NCOA6: variants seen among roughly 807,000 people sequenced by gnomAD.
NCOA6 encodes the protein NRC RAP250.
In NCOA6, 49 loss-of-function variants were observed where a neutral mutation model predicts 171.4. The ratio of observed to expected loss-of-function variants is 0.29; its 90% CI spans 0.23 to 0.36. The LOEUF (loss-of-function observed/expected upper bound fraction) is 0.36. Ranked by LOEUF, NCOA6 falls within the 10% of genes least tolerant of loss-of-function variation. The pLI, the probability that NCOA6 is intolerant of heterozygous loss-of-function variation, is 1.00. For missense variants in NCOA6, 2,248 were observed against 2,554.5 expected (o/e 0.88, Z 2.59); for synonymous variants, 910 against 927.5 (o/e 0.98, Z 0.34).
At chr20:34,720,823 T>C (rs1960613390) in intron 14 of NCOA6, among the ~76,000 whole-genome samples, 1 of 152,222 alleles carries the variant, frequency 6.6e-6, no homozygotes, top group Non-Finnish European at 1.5e-5. Flanking sequence ...ATTCTGGGTA[T>C]GGGTTTAAAT....
At chr20:34,772,319 A>AG (rs1450784825) in intron 4 of NCOA6, among the ~76,000 whole-genome samples, 1 of 152,138 alleles carries the variant, frequency 6.6e-6, no homozygotes, top group African/African-American at 2.4e-5. Context: ...GTCTCAAAAA[A>AG]AAAAAAAAAG....
chr20:34,776,057 T>G (rs1482927291), intron 4 of NCOA6, among the ~76,000 whole-genome samples: 2 of 152,224 alleles, frequency 1.3e-5, no homozygotes, highest in East Asian at 3.8e-4. Context: ...TGGTCAAAAT[T>G]AGCCAAAGGA....
chr20:34,759,017 T>G, intron 5 of NCOA6, 84 bp from the exon 6 acceptor site: 1 of 1,460,972 alleles, frequency 6.8e-7, no homozygotes, highest in Non-Finnish European at 9.4e-7. Flanking sequence ...TATGAAAAGA[T>G]ATGGAAAATT....
rs142865489 is a variant in NCOA6 at position 34,748,561 on chromosome 20, G to C, written c.2792+842C>G. The stretch of plus-strand genomic sequence containing the variant: ...ATTTATTATTTTTTTATGATTAAAG[G>C]CACAAAATATAGCTCAGTGAATATT... On this transcript the variant is annotated intron_variant, in intron 9 of 14. Transcript: ENST00000359003. Among the ~76,000 whole-genome samples the C allele has an allele frequency of 1.8e-4, 28 of 151,904 alleles. No individual in the cohort carries two copies. In the East Asian group the frequency reaches 4.8e-3, roughly 26 times the overall value.
intron 4 of NCOA6, 122 bp downstream of exon 4, chr20:34,776,171 T>G: frequency 1.6e-6 from 2 of 1,276,534 alleles, no homozygotes; most frequent in Non-Finnish European, 2.2e-6. Flanking sequence ...ACAAGTTACA[T>G]GAGTTGCTTG....
intron 1 of NCOA6, among the ~76,000 whole-genome samples, chr20:34,808,436 C>CTTTTTTTTTT (rs957085400): frequency 8.0e-6 from 1 of 125,492 alleles, no homozygotes; most frequent in Non-Finnish European, 1.7e-5. Context: ...CTTGTCTGTG[C>CTTTTTTTTTT]TTTTTTTTTT....
At chr20:34,778,523 C>T (rs996122843) in intron 3 of NCOA6, among the ~76,000 whole-genome samples, 3 of 151,018 alleles carry the variant, frequency 2.0e-5, no homozygotes, top group Admixed American at 1.3e-4. Flanking sequence ...TGCCTCCCGG[C>T]TTCAAGCAAT....
chr20:34,798,425 C>A (rs773180036), intron 1 of NCOA6, among the ~76,000 whole-genome samples: 12 of 152,160 alleles, frequency 7.9e-5, no homozygotes, highest in Non-Finnish European at 1.6e-4. Context: ...GCATGGCTGG[C>A]TTTGCCACTT....
At chr20:34,768,055 T>C (rs1001389443) in intron 5 of NCOA6, among the ~76,000 whole-genome samples, 8 of 152,224 alleles carry the variant, frequency 5.3e-5, no homozygotes, top group Non-Finnish European at 1.2e-4. Context: ...CATCTTCAGA[T>C]TCCACATAAG....
At chr20:34,777,700 CA>C (rs907624820) in intron 3 of NCOA6, among the ~76,000 whole-genome samples, 1 of 151,796 alleles carries the variant, frequency 6.6e-6, no homozygotes, top group Non-Finnish European at 1.5e-5. Flanking sequence ...GACAGTTTCT[CA>C]AAAAAAATTA....
intron 1 of NCOA6, among the ~76,000 whole-genome samples, chr20:34,799,211 C>T (rs2146436181): frequency 6.6e-6 from 1 of 152,140 alleles, no homozygotes; most frequent in East Asian, 1.9e-4. Context: ...CTAAAGAATG[C>T]ATCAGTCTCT....
chr20:34,818,401 C>T (rs1329823569), intron 1 of NCOA6, among the ~76,000 whole-genome samples: 1 of 152,074 alleles, frequency 6.6e-6, no homozygotes, highest in Admixed American at 6.6e-5. Context: ...ACCCAAAGAA[C>T]ACTGGGGGGA....
chr20:34,714,994 A>G lies in NCOA6; in HGVS notation c.*328T>C, dbSNP rs1988357832. The G allele has an allele frequency of 4.5e-6, 1 of 221,074 alleles. No homozygotes were observed. The highest frequency in any genetic ancestry group is 2.7e-5 in the African/African-American group (1 of 36,972). The allele number at this position is 221,074 out of a possible 1,614,324, so 13.7% of individuals were successfully genotyped here. A position where few individuals can be genotyped will look rare whatever the true frequency, so the allele number is the denominator to read the frequency against. On this transcript the variant is annotated 3_prime_UTR_variant, in exon 15 of 15. Coordinates refer to ENST00000359003, the MANE Select transcript of NCOA6 (RefSeq NM_014071.5). Reference sequence around the variant, plus strand: ...TCACACACAGTACTTCCACGGCACAATACATCATTAGGAGATCTAAAAATG... The same window carrying G: ...TCACACACAGTACTTCCACGGCACAGTACATCATTAGGAGATCTAAAAATG...
intron 8 of NCOA6, among the ~76,000 whole-genome samples, chr20:34,753,792 CT>C (rs1189702501): frequency 6.6e-6 from 1 of 152,244 alleles, no homozygotes; most frequent in African/African-American, 2.4e-5. Flanking sequence ...ATAGTGTGAA[CT>C]TTTTTTGTAA....
At chr20:34,728,100 T>C (rs576846434) in intron 13 of NCOA6, among the ~76,000 whole-genome samples, 9 of 152,318 alleles carry the variant, frequency 5.9e-5, no homozygotes, top group Admixed American at 5.9e-4. Context: ...TTTAGAATCA[T>C]GAAAATGGTC....
At chr20:34,732,470 G>A in intron 13 of NCOA6, 89 bp downstream of exon 13, 4 of 1,281,080 alleles carry the variant, frequency 3.1e-6, no homozygotes, top group Non-Finnish European at 4.5e-6. Context: ...AGGACAAGGT[G>A]AAGAGAGGTT....
chr20:34,796,810 A>G (rs1378623889), intron 1 of NCOA6, among the ~76,000 whole-genome samples: 3 of 150,264 alleles, frequency 2.0e-5, no homozygotes, highest in African/African-American at 4.9e-5. Flanking sequence ...AAAAGCTAGC[A>G]TCCCGTCTCA....
intron 10 of NCOA6, among the ~76,000 whole-genome samples, chr20:34,744,943 C>G (rs960731111): frequency 1.3e-5 from 2 of 152,130 alleles, no homozygotes; most frequent in Non-Finnish European, 2.9e-5. Flanking sequence ...AATATAGCAG[C>G]CTCTCAAAAG....
chr20:34,781,103 T>C (rs2077504038), intron 3 of NCOA6, among the ~76,000 whole-genome samples: 1 of 152,256 alleles, frequency 6.6e-6, no homozygotes, highest in Non-Finnish European at 1.5e-5. Context: ...GTTACAATGA[T>C]GTTGATAACT....
Sources: allele counts gnomAD v4.1 joint callset (sites outside exome capture counted in the v4.1 genomes callset), GRCh38; gene constraint gnomAD v4.1.1; transcripts MANE v1.5; gene names NCBI Gene and HGNC (gene_info 2026-07-23, HGNC 2026-07-21).